The following RUNDC3B variants were observed in gnomAD, a reference collection of about 807,000 sequenced individuals.
The protein encoded by RUNDC3B is RUN domain containing 3B, also known as RUN domain-containing protein 3B.
In RUNDC3B, 33 loss-of-function variants were observed where a neutral mutation model predicts 58.4. The observed-to-expected ratio is 0.56, with a 90% CI of 0.43 to 0.75. The LOEUF (loss-of-function observed/expected upper bound fraction) is 0.75. Among genes scored for constraint, RUNDC3B ranks in the 30% least tolerant of loss-of-function variants. The probability of loss-of-function intolerance (pLI) is 0.00; values close to 1 mark genes in which losing one functional copy is unlikely to be tolerated. For synonymous variants in RUNDC3B, 193 were observed against 195.2 expected (o/e 0.99, Z 0.10); for missense variants, 501 against 535.7 (o/e 0.94, Z 0.64).
At position 87,723,904 on chromosome 7, in the gene RUNDC3B, G is replaced by A. The variant is rs370367715; in HGVS notation, c.458+13249G>A. On this transcript the variant is annotated intron_variant, in intron 4 of 10. Transcript: ENST00000394654. Reference sequence around the variant, plus strand: ...AAAGCGTCTTTGCCAACATTTAATCGTACACATCATAATAAAAGTAAAACA... The same window carrying A: ...AAAGCGTCTTTGCCAACATTTAATCATACACATCATAATAAAAGTAAAACA... Among the ~76,000 whole-genome samples, 84 of 152,084 alleles carry A rather than the reference G, an allele frequency of 5.5e-4. 2 individuals are homozygous for A. The South Asian group carries it at 0.016, about 29-fold the overall frequency.
intron 4 of RUNDC3B, among the ~76,000 whole-genome samples, chr7:87,726,119 G>T (rs1255075708): frequency 2.0e-5 from 3 of 152,090 alleles, no homozygotes; most frequent in South Asian, 2.1e-4. Context: ...GTCAATTTTG[G>T]CTTTTGTTGC....
rs533337431 is a variant in RUNDC3B at position 87,821,735 on chromosome 7, C to T, written c.1225+5473C>T. 3.2e-3 allele frequency among the ~76,000 whole-genome samples: 491 copies of T among 152,170 alleles called. 3 individuals carry two copies. Among genetic ancestry groups the T allele is most frequent in the African/African-American group, 0.011 (459 of 41,510 alleles). On this transcript the variant is annotated intron_variant, in intron 10 of 10. Transcript: ENST00000394654. ...AGAACAGAACCCTCAGAAATAATGC[C>T]GCATATCTACAACCATCTGATCTTT...
intron 3 of RUNDC3B, among the ~76,000 whole-genome samples, chr7:87,705,896 A>G (rs1285660076): frequency 6.6e-6 from 1 of 152,182 alleles, no homozygotes; most frequent in East Asian, 1.9e-4. Flanking sequence ...ACTGATTTCA[A>G]GTTCAAGAAA....
intron 6 of RUNDC3B, among the ~76,000 whole-genome samples, chr7:87,758,598 G>C (rs1833503633): frequency 6.6e-6 from 1 of 152,028 alleles, no homozygotes; most frequent in African/African-American, 2.4e-5. Flanking sequence ...TTAATAACCA[G>C]AATATGTAAA....
intron 6 of RUNDC3B, among the ~76,000 whole-genome samples, chr7:87,744,096 T>C (rs765092917): frequency 9.9e-5 from 15 of 152,120 alleles, no homozygotes; most frequent in Non-Finnish European, 1.9e-4. Flanking sequence ...TATTTCTGTT[T>C]GCTTTGTCGT....
intron 4 of RUNDC3B, among the ~76,000 whole-genome samples, chr7:87,739,007 G>T (rs765555567): frequency 2.6e-5 from 4 of 151,646 alleles, no homozygotes; most frequent in African/African-American, 4.8e-5. Context: ...ATCATCCCTG[G>T]TTACTGATAT....
At chr7:87,676,799 T>G (rs1585073096) in intron 2 of RUNDC3B, among the ~76,000 whole-genome samples, 1 of 151,338 alleles carries the variant, frequency 6.6e-6, no homozygotes, top group East Asian at 1.9e-4. Context: ...TCACTCATAT[T>G]CCCTTCCACT....
chr7:87,660,479 G>C (rs1015433240), intron 2 of RUNDC3B, among the ~76,000 whole-genome samples: 1 of 152,008 alleles, frequency 6.6e-6, no homozygotes, highest in African/African-American at 2.4e-5. Context: ...TCTCTAAAGA[G>C]ATATAAAGTC....
chr7:87,691,858 C>A (rs186685213), intron 2 of RUNDC3B, among the ~76,000 whole-genome samples: 6 of 152,180 alleles, frequency 3.9e-5, no homozygotes, highest in Admixed American at 2.0e-4. Flanking sequence ...CAGAGAAAAC[C>A]GATTGCTGGG....
chr7:87,801,923 G>A (rs1836184282), intron 8 of RUNDC3B, among the ~76,000 whole-genome samples: 1 of 152,140 alleles, frequency 6.6e-6, no homozygotes, highest in Non-Finnish European at 1.5e-5. Flanking sequence ...TTTTGAAAGA[G>A]ACAGTAAATA....
chr7:87,693,744 A>C (rs2130657810), intron 2 of RUNDC3B, among the ~76,000 whole-genome samples: 1 of 152,330 alleles, frequency 6.6e-6, no homozygotes, highest in Admixed American at 6.5e-5. Context: ...AGTGTAGCTC[A>C]TATTTATCTT....
intron 2 of RUNDC3B, among the ~76,000 whole-genome samples, chr7:87,700,090 C>T (rs1828886384): frequency 6.6e-6 from 1 of 151,736 alleles, no homozygotes. Context: ...AGGAAGGTTC[C>T]CGTGTGCTAT....
chr7:87,722,062 C>T (rs1830933857), intron 4 of RUNDC3B, among the ~76,000 whole-genome samples: 1 of 151,764 alleles, frequency 6.6e-6, no homozygotes, highest in Admixed American at 6.6e-5. Context: ...AATAATAATT[C>T]CTTCTGCCTG....
chr7:87,756,392 A>G (rs932892731), intron 6 of RUNDC3B, among the ~76,000 whole-genome samples: 2 of 152,016 alleles, frequency 1.3e-5, no homozygotes, highest in Non-Finnish European at 2.9e-5. Flanking sequence ...AGTTTTTATT[A>G]ATCTAAGTGA....
At chr7:87,768,037 CT>C (rs1376239515) in intron 6 of RUNDC3B, among the ~76,000 whole-genome samples, 4 of 152,178 alleles carry the variant, frequency 2.6e-5, no homozygotes, top group Non-Finnish European at 5.9e-5. Flanking sequence ...TGTTGCCACT[CT>C]GTGTAGGGAG....
chr7:87,634,133 G>A (rs1306586147), intron 1 of RUNDC3B, among the ~76,000 whole-genome samples: 2 of 152,086 alleles, frequency 1.3e-5, no homozygotes, highest in Non-Finnish European at 2.9e-5. Context: ...ATCCAGCCTT[G>A]CTAGAGTGAG....
intron 10 of RUNDC3B, among the ~76,000 whole-genome samples, chr7:87,823,614 T>G (rs538795348): frequency 1.3e-5 from 2 of 152,190 alleles, no homozygotes; most frequent in South Asian, 4.2e-4. Context: ...TGTCTCTTTC[T>G]TATGCTTTTG....
intron 4 of RUNDC3B, among the ~76,000 whole-genome samples, chr7:87,730,467 C>A (rs1226931595): frequency 6.6e-6 from 1 of 151,602 alleles, no homozygotes; most frequent in Non-Finnish European, 1.5e-5. Flanking sequence ...TGAGAAGAGA[C>A]TCTTCTGCTT....
At chr7:87,683,525 A>G (rs1827143227) in intron 2 of RUNDC3B, among the ~76,000 whole-genome samples, 1 of 152,132 alleles carries the variant, frequency 6.6e-6, no homozygotes, top group South Asian at 2.1e-4. Flanking sequence ...GTTGTGTCTC[A>G]AGGGAATAGG....
Sources: allele counts gnomAD v4.1 joint callset (sites outside exome capture counted in the v4.1 genomes callset), GRCh38; gene constraint gnomAD v4.1.1; transcripts MANE v1.5; gene names NCBI Gene and HGNC (gene_info 2026-07-23, HGNC 2026-07-21).